LSAMP: variants seen among roughly 807,000 people sequenced by gnomAD.
The protein encoded by LSAMP is limbic system-associated membrane protein.
In LSAMP, 7 loss-of-function variants were observed where a neutral mutation model predicts 38.6. That is an observed-to-expected ratio of 0.18 (90% CI 0.10 to 0.34). LSAMP has a LOEUF of 0.34. Ranked by LOEUF, LSAMP falls within the 10% of genes least tolerant of loss-of-function variation. LSAMP has a pLI of 1.00. For missense variants in LSAMP, 313 were observed against 420.0 expected, an observed-to-expected ratio of 0.75 and a Z score of 2.23; for synonymous variants, 154 against 166.8, an observed-to-expected ratio of 0.92 and a Z score of 0.59.
intron 2 of LSAMP, among the ~76,000 whole-genome samples, chr3:116,047,876 A>G (rs1941323506): frequency 6.6e-6 from 1 of 152,244 alleles, no homozygotes. Context: ...TCACATAGTC[A>G]TCACTTTTGT....
intron 1 of LSAMP, among the ~76,000 whole-genome samples, chr3:116,227,473 A>C (rs1272454885): frequency 6.6e-6 from 1 of 152,226 alleles, no homozygotes; most frequent in East Asian, 1.9e-4. Flanking sequence ...ATCAGACAGT[A>C]AACTAATATT....
intron 2 of LSAMP, among the ~76,000 whole-genome samples, chr3:116,066,510 A>G (rs1047926469): frequency 1.3e-5 from 2 of 152,140 alleles, no homozygotes; most frequent in Non-Finnish European, 2.9e-5. Flanking sequence ...TATTGTCTTC[A>G]TTTGTTGAAA....
intron 3 of LSAMP, among the ~76,000 whole-genome samples, chr3:115,982,068 T>C (rs529177183): frequency 1.3e-5 from 2 of 152,232 alleles, no homozygotes; most frequent in South Asian, 2.1e-4. Context: ...TGCCTCCACA[T>C]TTTATTTATC....
At chr3:115,951,714 T>C (rs940037826) in intron 3 of LSAMP, among the ~76,000 whole-genome samples, 1 of 152,190 alleles carries the variant, frequency 6.6e-6, no homozygotes, top group African/African-American at 2.4e-5. Context: ...GCATGCTTCC[T>C]GCCCTCAAAC....
In LSAMP at chr3:116,445,007, G is replaced by A. The variant is rs2049490048; in HGVS notation, c.25C>T (p.Arg9Trp). The change falls in exon 1 of 7, where the codon CGG becomes TGG. Residue 9 changes from arginine to tryptophan, a missense_variant. By Grantham distance (101) the Arg-to-Trp change is moderately radical. Transcript: ENST00000490035. MVRRVQPD[R>W]KQLPLVLLRL... ...AGTAGGACCAGTGGCAACTGTTTCC[G>A]ATCCGGCTGAACTCTCCTGACCATG... 1.9e-6 allele frequency: 3 copies of A among 1,613,912 alleles called. No individual in the cohort carries two copies. The highest frequency in any genetic ancestry group is 4.5e-5 in the East Asian group (2 of 44,828).
chr3:116,243,135 G>T (rs185984656), intron 1 of LSAMP, among the ~76,000 whole-genome samples: 59 of 152,232 alleles, frequency 3.9e-4, no homozygotes, highest in African/African-American at 1.4e-3. Flanking sequence ...GAACCCAGGG[G>T]CAAATTCAGA....
intron 1 of LSAMP, among the ~76,000 whole-genome samples, chr3:116,325,115 T>C (rs2047753118): frequency 6.7e-6 from 1 of 149,654 alleles, no homozygotes; most frequent in Non-Finnish European, 1.5e-5. Context: ...ATAATATATA[T>C]AACATAATAT....
intron 1 of LSAMP, among the ~76,000 whole-genome samples, chr3:116,374,805 G>C (rs767235653): frequency 6.6e-6 from 1 of 151,756 alleles, no homozygotes; most frequent in Non-Finnish European, 1.5e-5. Context: ...ACTGACCCTA[G>C]ACTCAAGAAC....
At chr3:116,148,129 T>TA (rs1267461904) in intron 1 of LSAMP, among the ~76,000 whole-genome samples, 1 of 149,834 alleles carries the variant, frequency 6.7e-6, no homozygotes, top group African/African-American at 2.5e-5. Context: ...TTTTTTTTTT[T>TA]AATTCATGAG....
At chr3:116,131,495 C>T (rs1709132880) in intron 1 of LSAMP, among the ~76,000 whole-genome samples, 1 of 151,998 alleles carries the variant, frequency 6.6e-6, no homozygotes, top group African/African-American at 2.4e-5. Context: ...ACTTGCTCTT[C>T]CCCCAAGGGA....
At chr3:116,100,769 ACCTAG>A (rs1160800795) in intron 1 of LSAMP, among the ~76,000 whole-genome samples, 3 of 152,150 alleles carry the variant, frequency 2.0e-5, no homozygotes, top group African/African-American at 7.2e-5. Flanking sequence ...AGTTCACTTA[ACCTAG>A]CTTTCCAACC....
At chr3:116,249,373 C>G (rs565484573) in intron 1 of LSAMP, among the ~76,000 whole-genome samples, 15 of 136,356 alleles carry the variant, frequency 1.1e-4, no homozygotes, top group Non-Finnish European at 2.2e-4. Context: ...GCTTTGGAGA[C>G]TAGTAGAAGA....
chr3:115,956,676 C>A (rs1938464725), intron 3 of LSAMP, among the ~76,000 whole-genome samples: 1 of 151,970 alleles, frequency 6.6e-6, no homozygotes, highest in Admixed American at 6.6e-5. Flanking sequence ...GATAAAAATC[C>A]AAAAGGCAAC....
intron 1 of LSAMP, among the ~76,000 whole-genome samples, chr3:116,263,142 C>T (rs574822697): frequency 9.1e-4 from 139 of 152,116 alleles, no homozygotes; most frequent in South Asian, 4.8e-3. Flanking sequence ...GTTTAATTTA[C>T]GAATAACAAA....
At chr3:115,875,708 A>AT (rs1476665574) in intron 3 of LSAMP, among the ~76,000 whole-genome samples, 66 of 152,162 alleles carry the variant, frequency 4.3e-4, no homozygotes, top group African/African-American at 1.5e-3. Context: ...CCTCATTAGC[A>AT]TTATTTCCAG....
intron 1 of LSAMP, among the ~76,000 whole-genome samples, chr3:116,438,060 CAA>C (rs10637606): frequency 9.7e-4 from 123 of 126,278 alleles, no homozygotes; most frequent in African/African-American, 3.3e-3. Context: ...CAGGTAACTA[CAA>C]AAAAAAAAAA....
chr3:116,280,521 A>G (rs1380327819), intron 1 of LSAMP, among the ~76,000 whole-genome samples: 1 of 152,270 alleles, frequency 6.6e-6, no homozygotes, highest in Non-Finnish European at 1.5e-5. Context: ...AACTGAAAAC[A>G]GACCCAGTAT....
chr3:116,234,731 A>G (rs2046444643), intron 1 of LSAMP, among the ~76,000 whole-genome samples: 1 of 152,130 alleles, frequency 6.6e-6, no homozygotes, highest in Non-Finnish European at 1.5e-5. Flanking sequence ...TCTGCTTTTG[A>G]ATTGAGGCCC....
At chr3:116,353,288 G>A (rs569593820) in intron 1 of LSAMP, among the ~76,000 whole-genome samples, 19 of 151,992 alleles carry the variant, frequency 1.3e-4, no homozygotes, top group East Asian at 1.9e-4. Context: ...AATTTTATTC[G>A]TCTACTCTTT....
Sources: gnomAD v4.1 joint callset for allele counts (sites outside exome capture counted in the v4.1 genomes callset) on GRCh38, gnomAD v4.1.1 for gene constraint, MANE v1.5 for transcripts, NCBI Gene and HGNC (gene_info 2026-07-23, HGNC 2026-07-21) for gene names.